Variants in IFT122 observed in about 807,000 individuals in gnomAD.
IFT122 encodes the protein intraflagellar transport protein 122 homolog.
IFT122 carries 118 observed loss-of-function variants against 161.6 expected under a neutral mutation model. That is an observed-to-expected ratio of 0.73 (90% confidence interval 0.63 to 0.85). IFT122 has a LOEUF of 0.85. IFT122 is among the 40% of genes least tolerant of loss of function. The probability of loss-of-function intolerance (pLI) is 0.00; values close to 1 mark genes in which losing one functional copy is unlikely to be tolerated. For missense variants in IFT122, 1,381 were observed against 1,579.6 expected, an observed-to-expected ratio of 0.87 and a Z score of 2.13; for synonymous variants, 550 against 602.4, an observed-to-expected ratio of 0.91 and a Z score of 1.27.
intron 1 of IFT122, among the ~76,000 whole-genome samples, chr3:129,441,218 TG>T (rs1321544210): frequency 3.9e-5 from 6 of 152,242 alleles, no homozygotes. Flanking sequence ...GTGAAGCCTC[TG>T]TTCTGGCCAC....
intron 7 of IFT122, 100 bp from the exon 8 acceptor site, chr3:129,466,790 A>T: frequency 8.8e-7 from 1 of 1,142,838 alleles, no homozygotes; most frequent in Non-Finnish European, 1.3e-6. Flanking sequence ...GGCGTGAGTC[A>T]CTGCACCTGG....
intron 1 of IFT122, among the ~76,000 whole-genome samples, chr3:129,448,870 TG>T (rs1463994847): frequency 6.6e-6 from 1 of 151,968 alleles, no homozygotes; most frequent in African/African-American, 2.4e-5. Context: ...AGCTAATTTT[TG>T]TATTTTTGGT....
intron 16 of IFT122, among the ~76,000 whole-genome samples, chr3:129,489,710 G>C (rs1348976423): frequency 6.6e-6 from 1 of 152,046 alleles, no homozygotes; most frequent in Non-Finnish European, 1.5e-5. Flanking sequence ...ATGGTGGCAG[G>C]CGCCTGTAGT....
In IFT122 at chr3:129,515,455, C is replaced by G. The variant is rs535203017; in HGVS notation, c.3154-33C>G. On this transcript the variant is annotated intron_variant, in intron 25 of 29. Transcript: ENST00000348417. ...AGGGGGAGGAGGACACGTGCCTGCC[C>G]CGGCCCCTCGGGAGTCCGTGGCTGT... 4.4e-6 allele frequency: 5 copies of G among 1,137,122 alleles called. No individual in the cohort carries two copies. The African/African-American group carries it at 6.7e-5, about 15-fold the overall frequency. The allele number at this position is 1,137,122 out of a possible 1,614,324, so 70.4% of individuals were successfully genotyped here.
chr3:129,445,596 T>A (rs947367238), intron 1 of IFT122, among the ~76,000 whole-genome samples: 23 of 152,228 alleles, frequency 1.5e-4, no homozygotes, highest in African/African-American at 5.3e-4. Flanking sequence ...AGATTTGACA[T>A]ACTTGGCAGT....
At chr3:129,478,816 A>T (rs1490688854) in intron 12 of IFT122, among the ~76,000 whole-genome samples, 4 of 152,248 alleles carry the variant, frequency 2.6e-5, no homozygotes, top group Non-Finnish European at 4.4e-5. Flanking sequence ...GACTTAAAAC[A>T]TAAATTGGTG....
intron 25 of IFT122, 81 bp downstream of exon 25, chr3:129,514,635 C>T (rs940691964): frequency 2.5e-5 from 38 of 1,525,234 alleles, no homozygotes; most frequent in Middle Eastern, 1.7e-4. Flanking sequence ...GCCTGGGTTC[C>T]GTTTGAAGAG....
chr3:129,514,879 C>A, intron 25 of IFT122: 1 of 477,098 alleles, frequency 2.1e-6, no homozygotes, highest in Non-Finnish European at 3.9e-6. Context: ...GGCCTGGCCC[C>A]AGAGCTGACT....
At position 129,467,128 on chromosome 3, in the gene IFT122, C is replaced by G. The variant is rs1244798424; in HGVS notation, c.740+62C>G. 2.3e-5 allele frequency: 35 copies of G among 1,504,514 alleles called. No individual in the cohort carries two copies. In the East Asian group the frequency reaches 7.3e-4, roughly 31 times the overall value. The allele number at this position is 1,504,514 out of a possible 1,614,324, so 93.2% of individuals were successfully genotyped here. ...AGGGCCCAGGCCCCACACAGACTTG[C>G]CAGGACAGATGTTAAACTCTTTGGC... is the stretch of plus-strand genomic sequence containing the variant. On this transcript the variant is annotated intron_variant, in intron 8 of 29. Transcript: ENST00000348417.
chr3:129,463,921 A>G (rs1249881380), intron 6 of IFT122, among the ~76,000 whole-genome samples: 3 of 152,216 alleles, frequency 2.0e-5, no homozygotes, highest in Admixed American at 2.0e-4. Flanking sequence ...TCCAGGCAGC[A>G]TGTGTGGGGA....
chr3:129,476,140 A>G, intron 9 of IFT122, 175 bp from the exon 10 acceptor site: 1 of 690,092 alleles, frequency 1.4e-6, no homozygotes, highest in East Asian at 2.8e-5. Context: ...GAGTAGGGAG[A>G]TGCAGAGGCA....
chr3:129,520,269 G>A lies in IFT122; in HGVS notation c.*4G>A, dbSNP rs1481743009. The stretch of plus-strand genomic sequence containing the variant: ...CAAGGATGACCCTGGCCCATGACCA[G>A]CATCCTGGGGACGGCCTGCACCCTC... On this transcript the variant is annotated 3_prime_UTR_variant, in exon 30 of 30. Coordinates refer to ENST00000348417, the MANE Select transcript of IFT122 (RefSeq NM_052989.3). 6.2e-7 allele frequency: 1 copy of A among 1,605,482 alleles called. No homozygotes were observed. Among genetic ancestry groups the A allele is most frequent in the Non-Finnish European group, 8.5e-7 (1 of 1,178,326 alleles).
chr3:129,512,592 C>T (rs207463707), intron 24 of IFT122, 180 bp downstream of exon 24: 4 of 644,000 alleles, frequency 6.2e-6, no homozygotes, highest in East Asian at 2.7e-5. Context: ...GGCCCAGGGG[C>T]CCAGGCCAAG....
At chr3:129,519,490 T>C in intron 28 of IFT122, 78 bp from the exon 29 acceptor site, 2 of 1,585,870 alleles carry the variant, frequency 1.3e-6, no homozygotes, top group East Asian at 4.5e-5. Flanking sequence ...CTGCCAAAGA[T>C]TCCAGGATCA....
At chr3:129,501,874 G>A (rs2081598279) in intron 19 of IFT122, among the ~76,000 whole-genome samples, 1 of 152,262 alleles carries the variant, frequency 6.6e-6, no homozygotes, top group East Asian at 1.9e-4. Context: ...ACAGGCCTCC[G>A]TGCCTTGCCT....
rs777437054 is a variant in IFT122, at chr3:129,483,561, A to G, written c.1730A>G (p.Asn577Ser). ...TGCTTCTCGGGAGGAGGCTACCTCA[A>G]CATCAAAGCCAGCACCTTCCCTGTG... ...MLCFSGGGYLNIKASTFPVHR... is the reference protein window; with the variant it reads ...MLCFSGGGYLSIKASTFPVHR... The change falls in exon 15 of 30, where the codon AAC (asparagine) becomes AGC (serine). Residue 577 changes from asparagine to serine, a missense_variant. Asn to Ser is a conservative substitution (Grantham distance 46). Transcript: ENST00000348417. The G allele has an allele frequency of 5.6e-6, 9 of 1,613,998 alleles. No individual in the cohort carries two copies. Among genetic ancestry groups the G allele is most frequent in the South Asian group, 3.3e-5 (3 of 91,068 alleles).
intron 9 of IFT122, among the ~76,000 whole-genome samples, chr3:129,474,579 C>G (rs1182644868): frequency 6.6e-6 from 1 of 152,020 alleles, no homozygotes; most frequent in Admixed American, 6.6e-5. Flanking sequence ...TGACACCTGG[C>G]AGACAAAGTG....
intron 16 of IFT122, among the ~76,000 whole-genome samples, chr3:129,489,086 C>G (rs556344810): frequency 2.6e-5 from 4 of 152,304 alleles, no homozygotes; most frequent in Admixed American, 6.5e-5. Context: ...CCAACCTCCA[C>G]TCCCCTACCC....
At chr3:129,501,929 C>T (rs929596820) in intron 19 of IFT122, among the ~76,000 whole-genome samples, 1 of 152,222 alleles carries the variant, frequency 6.6e-6, no homozygotes, top group African/African-American at 2.4e-5. Context: ...CTTCCTTTCT[C>T]ACCAAGACTA....
Sources: gnomAD v4.1 joint callset for allele counts (sites outside exome capture counted in the v4.1 genomes callset) on GRCh38, gnomAD v4.1.1 for gene constraint, MANE v1.5 for transcripts, NCBI Gene and HGNC (gene_info 2026-07-23, HGNC 2026-07-21) for gene names.